Variants in XKR9 observed in about 807,000 individuals in gnomAD.
XKR9 encodes the protein XK-related protein 9.
XKR9 carries 32 observed loss-of-function variants against 32.0 expected under a neutral mutation model. The observed-to-expected ratio is 1.00, with a 90% confidence interval of 0.76 to 1.34. The LOEUF is 1.34. Ranked by LOEUF, XKR9 falls within the 40% of genes most tolerant of loss-of-function variation. The probability of loss-of-function intolerance (pLI) is 0.00; values close to 1 mark genes in which losing one functional copy is unlikely to be tolerated. For missense variants in XKR9, 546 were observed against 429.7 expected (o/e 1.27, Z -2.39); for synonymous variants, 168 against 143.4 (o/e 1.17, Z -1.22).
the XKR9 span, among the ~76,000 whole-genome samples, chr8:70,946,668 T>C: frequency 6.6e-6 from 1 of 152,202 alleles, no homozygotes; most frequent in African/African-American, 2.4e-5. Flanking sequence ...GTGTCACTTG[T>C]TCAGGCCCAG....
the XKR9 span, among the ~76,000 whole-genome samples, chr8:70,860,219 T>C: frequency 6.6e-6 from 1 of 152,122 alleles, no homozygotes; most frequent in South Asian, 2.1e-4. Flanking sequence ...TGTGATAGTA[T>C]TTGGAGGTGG....
the XKR9 span, among the ~76,000 whole-genome samples, chr8:71,053,504 T>C: frequency 6.6e-6 from 1 of 152,206 alleles, no homozygotes. Flanking sequence ...GAGAAGATCA[T>C]ATAAATGCCG....
chr8:70,881,014 AT>A, the XKR9 span, among the ~76,000 whole-genome samples: 1 of 152,334 alleles, frequency 6.6e-6, no homozygotes, highest in African/African-American at 2.4e-5. Flanking sequence ...AAAACAAGCA[AT>A]GGGGAAAAGA....
chr8:70,839,917 C>T, the XKR9 span, among the ~76,000 whole-genome samples: 4 of 152,146 alleles, frequency 2.6e-5, no homozygotes, highest in African/African-American at 9.7e-5. Context: ...TTCAGAGAAA[C>T]CTGATAGCTT....
At chr8:70,981,842 A>G in the XKR9 span, among the ~76,000 whole-genome samples, 2 of 152,314 alleles carry the variant, frequency 1.3e-5, no homozygotes, top group East Asian at 3.9e-4. Flanking sequence ...GCTCCTTGAT[A>G]TGATGTTCTC....
the XKR9 span, among the ~76,000 whole-genome samples, chr8:70,939,975 C>T: frequency 6.6e-6 from 1 of 151,904 alleles, no homozygotes; most frequent in African/African-American, 2.4e-5. Context: ...AGTTACACAA[C>T]TTTGTGTAAT....
intron 2 of XKR9, among the ~76,000 whole-genome samples, chr8:70,786,650 TG>T (rs1312519694): frequency 8.5e-5 from 13 of 152,146 alleles, no homozygotes; most frequent in Admixed American, 8.5e-4. Flanking sequence ...TCACTTTCAG[TG>T]TATTTGTGTG....
chr8:70,730,787 C>G (rs1239974550), intron 4 of XKR9, among the ~76,000 whole-genome samples: 1 of 152,204 alleles, frequency 6.6e-6, no homozygotes, highest in African/African-American at 2.4e-5. Context: ...AGCTACTGAG[C>G]TACACAGCAT....
intron 2 of XKR9, among the ~76,000 whole-genome samples, chr8:70,785,365 A>AT (rs1336971233): frequency 1.3e-5 from 2 of 151,786 alleles, no homozygotes; most frequent in Non-Finnish European, 2.9e-5. Context: ...CTCCTCTTTC[A>AT]TTTCTGATTT....
chr8:70,708,456 T>C (rs779285701), intron 4 of XKR9, among the ~76,000 whole-genome samples: 2 of 152,068 alleles, frequency 1.3e-5, no homozygotes, highest in Non-Finnish European at 2.9e-5. Flanking sequence ...TGTCTAACAA[T>C]AGAGGAATTG....
At chr8:70,877,000 A>G in the XKR9 span, among the ~76,000 whole-genome samples, 1 of 152,194 alleles carries the variant, frequency 6.6e-6, no homozygotes, top group East Asian at 1.9e-4. Flanking sequence ...TCATACTGCC[A>G]GGAAGAAATA....
At chr8:70,778,547 C>T (rs192889690) in intron 2 of XKR9, among the ~76,000 whole-genome samples, 1 of 152,264 alleles carries the variant, frequency 6.6e-6, no homozygotes, top group African/African-American at 2.4e-5. Flanking sequence ...GCAGTATGAC[C>T]ATTTTCATGA....
the XKR9 span, among the ~76,000 whole-genome samples, chr8:71,005,346 C>T: frequency 6.6e-6 from 1 of 151,742 alleles, no homozygotes; most frequent in African/African-American, 2.4e-5. Context: ...CCTTAGCCTC[C>T]TGAGTAGCTG....
At chr8:70,874,011 A>G in the XKR9 span, among the ~76,000 whole-genome samples, 1 of 152,214 alleles carries the variant, frequency 6.6e-6, no homozygotes, top group African/African-American at 2.4e-5. Context: ...CACTAACAAG[A>G]AGATTATGAC....
chr8:70,903,761 A>C, the XKR9 span, among the ~76,000 whole-genome samples: 10 of 151,844 alleles, frequency 6.6e-5, no homozygotes, highest in Non-Finnish European at 7.4e-5. Flanking sequence ...TTCCTGCTTT[A>C]TCTTGTGGGC....
the XKR9 span, among the ~76,000 whole-genome samples, chr8:70,858,968 T>C: frequency 6.6e-6 from 1 of 152,026 alleles, no homozygotes; most frequent in African/African-American, 2.4e-5. Flanking sequence ...GTGTAAGACC[T>C]CAAAAACACA....
chr8:70,704,366 A>T (rs918715930), intron 3 of XKR9, among the ~76,000 whole-genome samples: 1 of 152,124 alleles, frequency 6.6e-6, no homozygotes, highest in Non-Finnish European at 1.5e-5. Context: ...ACCTAAAGAC[A>T]CTGGACATTA....
chr8:71,028,908 A>AAGAGAGAGAGAGAGAG, the XKR9 span, among the ~76,000 whole-genome samples: 9,285 of 150,920 alleles, frequency 0.062, 402 homozygotes, highest in Non-Finnish European at 0.09. Context: ...GACACACAGA[A>AAGAGAGAGAGAGAGAG]AGAGAGAGAG....
the XKR9 span, among the ~76,000 whole-genome samples, chr8:70,929,972 G>A: frequency 2.7e-4 from 41 of 152,226 alleles, no homozygotes; most frequent in African/African-American, 4.3e-4. Flanking sequence ...AATTCTGCCC[G>A]TCACAGGCAC....
Sources: gnomAD v4.1 joint callset for allele counts (sites outside exome capture counted in the v4.1 genomes callset) on GRCh38, gnomAD v4.1.1 for gene constraint, MANE v1.5 for transcripts, NCBI Gene and HGNC (gene_info 2026-07-23, HGNC 2026-07-21) for gene names.